The following CFAP43 variants were observed in gnomAD, a reference collection of about 807,000 sequenced individuals.
CFAP43 encodes cilia and flagella associated protein 43.
A neutral mutation model predicts 218.9 loss-of-function variants in CFAP43; 155 were observed. The observed-to-expected ratio is 0.71, with a 90% confidence interval of 0.62 to 0.81. CFAP43 has a LOEUF of 0.81. Among genes scored for constraint, CFAP43 ranks in the 30% least tolerant of loss-of-function variants. CFAP43 has a pLI of 0.00. For synonymous variants in CFAP43, 645 were observed against 681.3 expected (o/e 0.95, Z 0.83); for missense variants, 1,778 against 1,954.3 (o/e 0.91, Z 1.70).
At chr10:104,228,225 T>G (rs935744350) in intron 2 of CFAP43, among the ~76,000 whole-genome samples, 5 of 152,234 alleles carry the variant, frequency 3.3e-5, no homozygotes, top group African/African-American at 7.2e-5. Context: ...GTATCTAACT[T>G]GATACTTTTG....
At chr10:104,168,987 A>C (rs957285) in intron 20 of CFAP43, 139 bp from the exon 21 acceptor site, 2 of 658,056 alleles carry the variant, frequency 3.0e-6, no homozygotes, top group South Asian at 3.7e-5. Context: ...ACTTTGAGCC[A>C]CCTTGCACTG....
In CFAP43 at chr10:104,228,335, T is replaced by C. The variant is rs376416716; in HGVS notation, c.319+2255A>G. ...TTCCTCCTTCTTTTTGGTGGTAGCCTCTTTCTTCATTTACTCAGCTTTTAT... is the reference window on the plus strand; with the variant it reads ...TTCCTCCTTCTTTTTGGTGGTAGCCCCTTTCTTCATTTACTCAGCTTTTAT... On this transcript the variant is annotated intron_variant, in intron 2 of 37. Transcript: ENST00000357060. Among the ~76,000 whole-genome samples the C allele has an allele frequency of 1.6e-4, 25 of 152,302 alleles. No individual in the cohort carries two copies. The South Asian group carries it at 5.2e-3, about 32-fold the overall frequency.
Position 104,133,658 on chromosome 10 carries a change from C to T in CFAP43, c.4558G>A (p.Asp1520Asn). 1 of 1,613,228 alleles carries T rather than the reference C, an allele frequency of 6.2e-7. No individual in the cohort carries two copies. Residue 1520 changes from aspartate (D) to asparagine (N), a missense_variant, in exon 35 of 38, where the codon GAT (aspartate) becomes AAT (asparagine). Physicochemically the swap from Asp to Asn is conservative, Grantham distance 23 (BLOSUM62 1). This residue lies in a region of CFAP43 where 211 missense variants were observed against 230.6 expected (regional missense o/e 0.91). Transcript: ENST00000357060. ...CTTGAAAAAAATAGCATCTGAATAT[C>T]CCAAGCCTTCTGATTTAGATCTTCC... The part of the protein sequence containing the change: ...EREDLNQKAW[D>N]IQMLFFSRDR...
In CFAP43 at chr10:104,163,947, C is replaced by T. The variant is rs901426444; in HGVS notation, c.3246+147G>A. 7.1e-5 allele frequency: 52 copies of T among 728,698 alleles called. No individual in the cohort carries two copies. In the African/African-American group the frequency reaches 8.0e-4, roughly 11 times the overall value. The allele number at this position is 728,698 out of a possible 1,614,324, so 45.1% of individuals were successfully genotyped here. A position where few individuals can be genotyped will look rare whatever the true frequency, so the allele number is the denominator to read the frequency against. On this transcript the variant is annotated intron_variant, in intron 24 of 37. Coordinates refer to ENST00000357060, the MANE Select transcript of CFAP43 (RefSeq NM_025145.7). ...TTCGTAAAAGAAATTCTCATCATTG[C>T]TGAGGCTACATCATGTCTTTCTGTT...
At chr10:104,185,861 T>C in intron 15 of CFAP43, 113 bp downstream of exon 15, 1 of 844,694 alleles carries the variant, frequency 1.2e-6, no homozygotes, top group Middle Eastern at 3.1e-4. Context: ...ACCTTCAATA[T>C]CTTTTCAGAG....
chr10:104,133,769 T>C lies in CFAP43; in HGVS notation c.4447A>G (p.Lys1483Glu), dbSNP rs758806479. 3.7e-6 allele frequency: 6 copies of C among 1,610,568 alleles called. No homozygotes were observed. The South Asian group carries it at 6.7e-5, about 18-fold the overall frequency. The change falls in exon 35 of 38, where the codon AAA becomes GAA. Residue 1483 changes from lysine (K) to glutamate (E), a missense_variant. By Grantham distance (56) the Lys-to-Glu change is moderately conservative. This residue lies in a region of CFAP43 where 211 missense variants were observed against 230.6 expected (regional missense o/e 0.91). Transcript: ENST00000357060. ...TTACTTTCCATCATGCTAGCAACTT[T>C]CTTTTGTCCTTGAGTCTTTAAAAAA... Reference protein sequence around the residue: ...NSVIRTQGQKKVASMMESKDV... With the variant: ...NSVIRTQGQKEVASMMESKDV...
chr10:104,221,815 A>G (rs2091189603), intron 3 of CFAP43, among the ~76,000 whole-genome samples: 2 of 152,094 alleles, frequency 1.3e-5, no homozygotes, highest in Non-Finnish European at 2.9e-5. Flanking sequence ...TAGATGTCTC[A>G]TGGGGGTTGC....
intron 5 of CFAP43, 145 bp downstream of exon 5, chr10:104,211,862 C>T: frequency 1.1e-6 from 1 of 885,462 alleles, no homozygotes; most frequent in Non-Finnish European, 1.6e-6. Context: ...TCATCTCTCA[C>T]AGTCTCTGTG....
intron 23 of CFAP43, among the ~76,000 whole-genome samples, chr10:104,165,227 CAA>C (rs2089093098): frequency 6.6e-6 from 1 of 152,146 alleles, no homozygotes; most frequent in Non-Finnish European, 1.5e-5. Context: ...TGGGTCAATC[CAA>C]AGTGGCCTTT....
intron 19 of CFAP43, among the ~76,000 whole-genome samples, chr10:104,173,405 C>A (rs535188992): frequency 2.0e-5 from 3 of 152,320 alleles, no homozygotes; most frequent in East Asian, 1.9e-4. Context: ...CAGCACTCAA[C>A]AACGAGTGGA....
At chr10:104,220,575 A>G (rs990174171) in intron 3 of CFAP43, among the ~76,000 whole-genome samples, 7 of 147,706 alleles carry the variant, frequency 4.7e-5, no homozygotes, top group African/African-American at 1.7e-4. Context: ...AGCTATAAGA[A>G]CAAAAAAAAA....
At chr10:104,187,864 C>T (rs2134896452) in intron 13 of CFAP43, among the ~76,000 whole-genome samples, 1 of 152,284 alleles carries the variant, frequency 6.6e-6, no homozygotes, top group African/African-American at 2.4e-5. Context: ...ATATATTTGT[C>T]ATTAAAACAA....
chr10:104,132,686 C>T (rs545532809), intron 35 of CFAP43: 1 of 985,268 alleles, frequency 1.0e-6, no homozygotes, highest in Non-Finnish European at 1.2e-6. Flanking sequence ...TCAATACATT[C>T]ATGTACACTA....
intron 12 of CFAP43, among the ~76,000 whole-genome samples, chr10:104,190,728 C>T (rs1390298138): frequency 6.6e-6 from 1 of 152,214 alleles, no homozygotes; most frequent in Non-Finnish European, 1.5e-5. Flanking sequence ...CCTTTCGCAT[C>T]AAATACCAAG....
At chr10:104,155,664 T>C (rs548733515) in intron 27 of CFAP43, among the ~76,000 whole-genome samples, 1 of 151,904 alleles carries the variant, frequency 6.6e-6, no homozygotes, top group East Asian at 1.9e-4. Context: ...ATCTCCACCA[T>C]AATAGGAAGA....
chr10:104,172,751 C>G (rs2089462673), intron 19 of CFAP43, among the ~76,000 whole-genome samples: 1 of 152,060 alleles, frequency 6.6e-6, no homozygotes, highest in Non-Finnish European at 1.5e-5. Flanking sequence ...AGGAAAACTA[C>G]AAAAATATAT....
At chr10:104,197,851 A>T in intron 9 of CFAP43, 71 bp downstream of exon 9, 1 of 1,082,356 alleles carries the variant, frequency 9.2e-7, no homozygotes, top group Non-Finnish European at 1.4e-6. Flanking sequence ...AATAACATAT[A>T]AATGGGGATT....
intron 16 of CFAP43, among the ~76,000 whole-genome samples, chr10:104,184,208 C>T (rs374272002): frequency 2.0e-5 from 3 of 152,126 alleles, no homozygotes; most frequent in African/African-American, 4.8e-5. Context: ...GGAGGAATTT[C>T]GTTTATAGTT....
intron 4 of CFAP43, among the ~76,000 whole-genome samples, chr10:104,213,966 T>TCATG (rs1285855430): frequency 1.3e-5 from 2 of 152,194 alleles, no homozygotes; most frequent in Non-Finnish European, 2.9e-5. Context: ...ACAAATAAAA[T>TCATG]TTTAGAAAAT....
Sources: gnomAD v4.1 joint callset for allele counts (sites outside exome capture counted in the v4.1 genomes callset) on GRCh38, gnomAD v4.1.1 for gene constraint, gnomAD v4.1.1 regional missense constraint, MANE v1.5 for transcripts, NCBI Gene and HGNC (gene_info 2026-07-23, HGNC 2026-07-21) for gene names.